DDC: variants seen among roughly 807,000 people sequenced by gnomAD.
DDC encodes the protein aromatic-L-amino-acid decarboxylase.
In DDC, 43 loss-of-function variants were observed where a neutral mutation model predicts 60.0. The ratio of observed to expected loss-of-function variants is 0.72; its 90% CI spans 0.56 to 0.92. DDC has a LOEUF of 0.92. Among genes scored for constraint, DDC ranks in the 40% least tolerant of loss-of-function variants. The probability of loss-of-function intolerance (pLI) is 0.00; values close to 1 mark genes in which losing one functional copy is unlikely to be tolerated. For missense variants in DDC, 573 were observed against 620.2 expected (o/e 0.92, Z 0.81); for synonymous variants, 232 against 234.6 (o/e 0.99, Z 0.10).
chr7:50,496,994 T>C (rs1259147597), intron 8 of DDC, among the ~76,000 whole-genome samples: 4 of 152,240 alleles, frequency 2.6e-5, no homozygotes, highest in Admixed American at 6.5e-5. Flanking sequence ...GTTTCATTTG[T>C]TGATAAAAGG....
intron 6 of DDC, among the ~76,000 whole-genome samples, chr7:50,509,536 A>G (rs1434304655): frequency 1.3e-5 from 2 of 152,162 alleles, no homozygotes; most frequent in Non-Finnish European, 2.9e-5. Context: ...ACTTCTTTAT[A>G]AAGGAATCCA....
intron 9 of DDC, among the ~76,000 whole-genome samples, chr7:50,482,223 G>A (rs1280273997): frequency 1.3e-5 from 2 of 152,198 alleles, no homozygotes; most frequent in Non-Finnish European, 2.9e-5. Context: ...CCTGGTCAAC[G>A]TTTAGTATGA....
In DDC at chr7:50,539,983, C is replaced by T. The variant is rs1176165039; in HGVS notation, c.247G>A (p.Ala83Thr). Residue 83 changes from alanine (A) to threonine (T), a missense_variant, in exon 3 of 15, where the codon GCC (alanine) becomes ACC (threonine). Physicochemically the swap from Ala to Thr is moderately conservative, Grantham distance 58. Transcript: ENST00000444124. ...GCAAGCATGGCCGGGTACGAGCTGG[C>T]AGTGGGGAAGTAGGCGAAGAAGTAG... ...SPYFFAYFPT[A>T]SSYPAMLADM... is the part of the protein sequence containing the mutation. 6.2e-7 allele frequency: 1 copy of T among 1,614,002 alleles called. No individual in the cohort carries two copies. The highest frequency in any genetic ancestry group is 1.7e-5 in the Admixed American group (1 of 60,008).
At chr7:50,509,162 C>T (rs750352661) in intron 6 of DDC, among the ~76,000 whole-genome samples, 2 of 152,054 alleles carry the variant, frequency 1.3e-5, no homozygotes, top group Non-Finnish European at 2.9e-5. Flanking sequence ...GCTCGCCACA[C>T]ACCTCCAGGG....
chr7:50,494,750 C>A (rs993132172), intron 9 of DDC, among the ~76,000 whole-genome samples: 4 of 151,928 alleles, frequency 2.6e-5, no homozygotes, highest in Non-Finnish European at 5.9e-5. Flanking sequence ...CAACCTCTGC[C>A]TCCCAGGTTC....
intron 2 of DDC, among the ~76,000 whole-genome samples, chr7:50,540,748 A>G (rs1051314936): frequency 2.6e-5 from 4 of 152,210 alleles, no homozygotes; most frequent in Non-Finnish European, 4.4e-5. Context: ...TCCCTGGGTG[A>G]GGCACAGAGG....
At chr7:50,538,096 C>T (rs1356259497) in intron 3 of DDC, 117 bp from the exon 4 acceptor site, 3 of 1,295,664 alleles carry the variant, frequency 2.3e-6, no homozygotes, top group Non-Finnish European at 3.3e-6. Context: ...CACCCAATCT[C>T]AGATGTGATT....
rs1490811052 is a variant in DDC at position 50,495,406 on chromosome 7, T to C, written c.888A>G (p.Ser296=). The part of the protein sequence containing the change: ...HLLNGVEFAD[S]FNFNPHKWLL... Reference sequence around the variant, plus strand: ...GCCATTTGTGGGGATTAAAGTTGAATGAATCTGCAAACTGCCAAAGAACAA... The same window carrying C: ...GCCATTTGTGGGGATTAAAGTTGAACGAATCTGCAAACTGCCAAAGAACAA... Residue 296 remains serine, a synonymous_variant, in exon 9 of 15, where the codon TCA becomes TCG. Coordinates refer to ENST00000444124, the MANE Select transcript of DDC (RefSeq NM_001082971.2). 1 of 1,611,792 alleles carries C rather than the reference T, an allele frequency of 6.2e-7. No homozygotes were observed. The highest frequency in any genetic ancestry group is 1.7e-5 in the Admixed American group (1 of 60,016).
intron 1 of DDC, among the ~76,000 whole-genome samples, chr7:50,548,585 G>A (rs1172532482): frequency 1.3e-5 from 2 of 152,186 alleles, no homozygotes; most frequent in African/African-American, 4.8e-5. Context: ...TGAAAGAGGT[G>A]AGAAAGTTGC....
intron 7 of DDC, among the ~76,000 whole-genome samples, chr7:50,501,397 G>T (rs1313704720): frequency 6.6e-6 from 1 of 152,158 alleles, no homozygotes; most frequent in Non-Finnish European, 1.5e-5. Context: ...TCCACTTTTT[G>T]TATTCCATCT....
intron 6 of DDC, among the ~76,000 whole-genome samples, chr7:50,514,156 CTG>C (rs1185723392): frequency 1.3e-5 from 2 of 152,200 alleles, no homozygotes; most frequent in Non-Finnish European, 2.9e-5. Context: ...CTGAAGGACT[CTG>C]TGCAGATAAC....
At chr7:50,488,025 CAA>C (rs1180248788) in intron 9 of DDC, among the ~76,000 whole-genome samples, 3 of 151,986 alleles carry the variant, frequency 2.0e-5, no homozygotes, top group Non-Finnish European at 4.4e-5. Context: ...AAAGAAAAAA[CAA>C]ATACATTTAT....
intron 6 of DDC, among the ~76,000 whole-genome samples, chr7:50,517,811 A>T (rs6592969): frequency 1.4e-5 from 2 of 144,648 alleles, no homozygotes; most frequent in Non-Finnish European, 3.0e-5. Flanking sequence ...AATCAAGAAC[A>T]CTTTTATAAT....
rs147432864 is a variant in DDC at position 50,515,662 on chromosome 7, C to T, written c.715-11603G>A. 5.5e-4 allele frequency among the ~76,000 whole-genome samples: 83 copies of T among 152,252 alleles called. No homozygotes were observed. In the East Asian group the frequency reaches 0.013, roughly 24 times the overall value. On this transcript the variant is annotated intron_variant, in intron 6 of 14. Transcript: ENST00000444124. ...ATCCACAGAATGGATAATAACTCAC[C>T]AACCATCTGCTGCCTTCAGGAGATT...
intron 13 of DDC, among the ~76,000 whole-genome samples, chr7:50,465,491 C>A (rs1204874514): frequency 6.6e-6 from 1 of 152,160 alleles, no homozygotes; most frequent in Non-Finnish European, 1.5e-5. Context: ...CCTGCCTCAG[C>A]CTCCCGAGTA....
At chr7:50,500,618 A>G (rs1204883600) in intron 7 of DDC, among the ~76,000 whole-genome samples, 1 of 152,216 alleles carries the variant, frequency 6.6e-6, no homozygotes, top group Non-Finnish European at 1.5e-5. Flanking sequence ...TGCAAGCACC[A>G]GGTGAGACTG....
chr7:50,536,888 C>A (rs1020687954), intron 4 of DDC, among the ~76,000 whole-genome samples: 2 of 152,190 alleles, frequency 1.3e-5, no homozygotes, highest in East Asian at 3.8e-4. Flanking sequence ...ATTCTCAGAG[C>A]CTTGTGAAAG....
chr7:50,482,493 C>G (rs191027284), intron 9 of DDC, among the ~76,000 whole-genome samples: 1 of 152,254 alleles, frequency 6.6e-6, no homozygotes, highest in East Asian at 1.9e-4. Flanking sequence ...CATCTGTGCC[C>G]GCGCTGGTGC....
intron 11 of DDC, among the ~76,000 whole-genome samples, chr7:50,471,924 G>A (rs191442051): frequency 5.5e-4 from 83 of 152,250 alleles, no homozygotes; most frequent in Non-Finnish European, 1.1e-3. Flanking sequence ...TCCTCGACTG[G>A]TCAACTTCCT....
Sources: allele counts gnomAD v4.1 joint callset (sites outside exome capture counted in the v4.1 genomes callset), GRCh38; gene constraint gnomAD v4.1.1; transcripts MANE v1.5; gene names NCBI Gene and HGNC (gene_info 2026-07-23, HGNC 2026-07-21).